Variants in BOC observed in about 807,000 individuals in gnomAD.
BOC encodes the protein brother of CDO.
Under a neutral mutation model 112.0 loss-of-function variants are expected in BOC, and 76 were observed. That is an observed-to-expected ratio of 0.68 (90% CI 0.56 to 0.82). The LOEUF (loss-of-function observed/expected upper bound fraction) is 0.82. BOC is among the 40% of genes least tolerant of loss of function. The pLI is 0.00. For missense variants in BOC, 1,309 were observed against 1,511.7 expected (o/e 0.87, Z 2.22); for synonymous variants, 580 against 599.8 (o/e 0.97, Z 0.48).
intron 15 of BOC, among the ~76,000 whole-genome samples, chr3:113,282,508 G>A (rs747575756): frequency 7.2e-5 from 11 of 152,200 alleles, no homozygotes; most frequent in Non-Finnish European, 1.2e-4. Flanking sequence ...CATGAGAAAG[G>A]AACAAGGTAA....
intron 2 of BOC, among the ~76,000 whole-genome samples, chr3:113,241,141 C>A (rs1349567158): frequency 6.6e-6 from 1 of 152,160 alleles, no homozygotes; most frequent in East Asian, 1.9e-4. Context: ...GGCCTGATAC[C>A]CCAGGAAGGT....
intron 11 of BOC, 120 bp from the exon 12 acceptor site, chr3:113,279,129 G>A: frequency 3.9e-6 from 4 of 1,019,124 alleles, no homozygotes; most frequent in Non-Finnish European, 5.8e-6. Context: ...GGGCTGTGGG[G>A]AGGAGCGGGC....
At position 113,279,779 on chromosome 3, in the gene BOC, A is replaced by C. The variant is rs181852587; in HGVS notation, c.2024-45A>C. ...CTTGAAAGGCCATGGGAGAATCAGAAGGTATTTCCCAGCTCCTGAGTTCAG... is the reference window on the plus strand; with the variant it reads ...CTTGAAAGGCCATGGGAGAATCAGACGGTATTTCCCAGCTCCTGAGTTCAG... On this transcript the variant is annotated intron_variant, in intron 12 of 19. Transcript: ENST00000682979. 160 of 1,544,202 alleles carry C rather than the reference A, an allele frequency of 1.0e-4. No individual in the cohort carries two copies. In the African/African-American group the frequency reaches 1.7e-3, roughly 17 times the overall value.
chr3:113,220,421 T>TCATGGAAAC (rs1940382327), intron 2 of BOC, among the ~76,000 whole-genome samples: 1 of 152,110 alleles, frequency 6.6e-6, no homozygotes, highest in South Asian at 2.1e-4. Flanking sequence ...GTAATGGAAA[T>TCATGGAAAC]GAGGTCATGG....
intron 5 of BOC, chr3:113,270,495 C>T: frequency 3.5e-6 from 1 of 286,178 alleles, no homozygotes; most frequent in Non-Finnish European, 6.5e-6. Context: ...CCTCCCTTAG[C>T]TCCCTTTAAA....
At chr3:113,282,811 CG>C (rs1324206741) in intron 15 of BOC, among the ~76,000 whole-genome samples, 4 of 152,042 alleles carry the variant, frequency 2.6e-5, no homozygotes, top group East Asian at 3.9e-4. Context: ...GTCCGAAAGC[CG>C]GGGGAGAAGA....
chr3:113,249,945 A>G lies in BOC; in HGVS notation c.97+46A>G, dbSNP rs748149713. The G allele has an allele frequency of 2.4e-5, 37 of 1,516,502 alleles. No homozygotes were observed. In the Admixed American group the frequency reaches 6.3e-4, roughly 26 times the overall value. 93.9% of individuals were successfully genotyped at this position (1,516,502 alleles called of 1,614,324 possible). A position where few individuals can be genotyped will look rare whatever the true frequency, so the allele number is the denominator to read the frequency against. ...TCCCTGCCCTTACAGTCAAATGGAA[A>G]CATTCCGCATTCTACAATAACTCTT... is the stretch of plus-strand genomic sequence containing the variant. On this transcript the variant is annotated intron_variant, in intron 3 of 19. Transcript: ENST00000682979.
At chr3:113,286,116 C>T (rs767124611) in intron 19 of BOC, among the ~76,000 whole-genome samples, 8 of 152,162 alleles carry the variant, frequency 5.3e-5, no homozygotes, top group Non-Finnish European at 1.0e-4. Context: ...TGCTAGTCTC[C>T]TTAGAAATCA....
intron 2 of BOC, among the ~76,000 whole-genome samples, chr3:113,241,010 G>T (rs953932969): frequency 3.3e-5 from 5 of 152,204 alleles, no homozygotes; most frequent in Admixed American, 2.0e-4. Context: ...GGAGGAAATG[G>T]CCCAGACTTG....
At chr3:113,216,577 G>T (rs1472566605) in intron 2 of BOC, among the ~76,000 whole-genome samples, 1 of 152,188 alleles carries the variant, frequency 6.6e-6, no homozygotes, top group East Asian at 1.9e-4. Context: ...TCCCGCGTAG[G>T]TTTGGGTGAG....
At position 113,274,783 on chromosome 3, in the gene BOC, G is replaced by A. The variant is rs921655384; in HGVS notation, c.1542+101G>A. 1.3e-5 allele frequency: 16 copies of A among 1,239,346 alleles called. No individual in the cohort carries two copies. Among genetic ancestry groups the A allele is most frequent in the Non-Finnish European group, 1.5e-5 (14 of 904,094 alleles). 76.8% of individuals were successfully genotyped at this position (1,239,346 alleles called of 1,614,324 possible). On this transcript the variant is annotated intron_variant, in intron 9 of 19. Transcript: ENST00000682979. The surrounding 1 kb of genome is among the most constrained non-coding windows in gnomAD (Gnocchi z 4.8). The stretch of plus-strand genomic sequence containing the variant: ...GGCCATCTCCCCTTGAGCTCCTGAA[G>A]CCTGAGCCGGTAATCCCCACCACTA...
chr3:113,264,272 CAAAG>C (rs1459892636), intron 4 of BOC, among the ~76,000 whole-genome samples: 1 of 152,094 alleles, frequency 6.6e-6, no homozygotes, highest in East Asian at 1.9e-4. Context: ...GGAAAATGCA[CAAAG>C]AGAGGATGCA....
Position 113,274,348 on chromosome 3 carries a change from T to A in BOC, c.1235-27T>A. Reference sequence around the variant, plus strand: ...GCAGGTAAACCAGGAGACTAACCTTTCCTTCTGCTTCCTGTTGGTCCTCCA... The same window carrying A: ...GCAGGTAAACCAGGAGACTAACCTTACCTTCTGCTTCCTGTTGGTCCTCCA... On this transcript the variant is annotated intron_variant, in intron 8 of 19. Transcript: ENST00000682979. This position sits in a 1 kb window ranked among gnomAD's most constrained non-coding sequence, Gnocchi z 4.8. 6.7e-7 allele frequency: 1 copy of A among 1,488,120 alleles called. No individual in the cohort carries two copies. 92.2% of individuals were successfully genotyped at this position (1,488,120 alleles called of 1,614,324 possible). A position where few individuals can be genotyped will look rare whatever the true frequency, so the allele number is the denominator to read the frequency against.
At chr3:113,218,784 C>T (rs1939989720) in intron 2 of BOC, among the ~76,000 whole-genome samples, 1 of 152,214 alleles carries the variant, frequency 6.6e-6, no homozygotes, top group Non-Finnish European at 1.5e-5. Flanking sequence ...ATTCTATAGG[C>T]TTCTGTTGCA....
chr3:113,252,761 G>T (rs1431691452), intron 4 of BOC, among the ~76,000 whole-genome samples: 2 of 152,174 alleles, frequency 1.3e-5, no homozygotes, highest in African/African-American at 4.8e-5. Context: ...CCCTCACAGT[G>T]GAGCCACTCC....
At chr3:113,268,181 G>C (rs747620896) in intron 4 of BOC, 118 bp from the exon 5 acceptor site, 27 of 1,457,706 alleles carry the variant, frequency 1.9e-5, no homozygotes, top group Non-Finnish European at 2.5e-5. Context: ...AGGATCCCCT[G>C]ATATCCCCCT....
chr3:113,235,217 A>C (rs1027094585), intron 2 of BOC, among the ~76,000 whole-genome samples: 6 of 152,180 alleles, frequency 3.9e-5, no homozygotes, highest in African/African-American at 1.2e-4. Flanking sequence ...AAAGGTTGGG[A>C]AGTAGATGCT....
chr3:113,259,426 G>A (rs896102559), intron 4 of BOC, among the ~76,000 whole-genome samples: 3 of 152,180 alleles, frequency 2.0e-5, no homozygotes, highest in Non-Finnish European at 2.9e-5. Flanking sequence ...TTGATTTGCC[G>A]GCTTGAAATC....
chr3:113,233,760 G>A (rs533578428), intron 2 of BOC, among the ~76,000 whole-genome samples: 62 of 152,214 alleles, frequency 4.1e-4, no homozygotes, highest in African/African-American at 1.2e-3. Context: ...ATTGAGCTTC[G>A]TCAGGCGCCT....
Sources: allele counts gnomAD v4.1 joint callset (sites outside exome capture counted in the v4.1 genomes callset), GRCh38; gene constraint gnomAD v4.1.1; non-coding constraint Gnocchi (gnomAD v3.1); transcripts MANE v1.5; gene names NCBI Gene and HGNC (gene_info 2026-07-23, HGNC 2026-07-21).